Variants in KDM4C observed in about 807,000 individuals in gnomAD.
KDM4C encodes lysine demethylase 4C, also known as lysine-specific demethylase 4C.
KDM4C carries 81 observed loss-of-function variants against 129.3 expected under a neutral mutation model. That is an observed-to-expected ratio of 0.63 (90% CI 0.52 to 0.75). KDM4C has a LOEUF of 0.75. Among genes scored for constraint, KDM4C ranks in the 30% least tolerant of loss-of-function variants. The pLI, the probability that KDM4C is intolerant of heterozygous loss-of-function variation, is 0.00. For missense variants in KDM4C, 1,457 were observed against 1,304.0 expected (o/e 1.12, Z -1.81); for synonymous variants, 573 against 456.1 (o/e 1.26, Z -3.26).
intron 8 of KDM4C, among the ~76,000 whole-genome samples, chr9:6,906,009 A>G (rs934998499): frequency 1.3e-5 from 2 of 152,200 alleles, no homozygotes; most frequent in African/African-American, 2.4e-5. Context: ...CCAGATTCAA[A>G]TGACTGAGTA....
intron 15 of KDM4C, among the ~76,000 whole-genome samples, chr9:7,021,001 A>T (rs949388713): frequency 6.6e-6 from 1 of 150,564 alleles, no homozygotes; most frequent in Non-Finnish European, 1.5e-5. Flanking sequence ...AGCCTCTGGT[A>T]ACCATCCTCC....
intron 12 of KDM4C, among the ~76,000 whole-genome samples, chr9:6,992,461 C>T (rs190470681): frequency 3.9e-5 from 6 of 152,296 alleles, no homozygotes; most frequent in Admixed American, 3.3e-4. Flanking sequence ...TTAAGGACCC[C>T]TGGTGACCTC....
chr9:6,890,186 A>G (rs960386376), intron 7 of KDM4C, among the ~76,000 whole-genome samples: 1 of 152,226 alleles, frequency 6.6e-6, no homozygotes, highest in East Asian at 1.9e-4. Context: ...GGGCAGCACA[A>G]TGGTAGCACA....
intron 17 of KDM4C, among the ~76,000 whole-genome samples, chr9:7,066,496 C>G (rs916412568): frequency 7.2e-5 from 11 of 152,228 alleles, no homozygotes; most frequent in African/African-American, 2.6e-4. Flanking sequence ...ATCATTTAAA[C>G]AAATATACTC....
At chr9:7,035,485 G>A (rs112634123) in intron 15 of KDM4C, among the ~76,000 whole-genome samples, 8 of 150,296 alleles carry the variant, frequency 5.3e-5, no homozygotes, top group East Asian at 1.9e-4. Context: ...AAGCTTTTTC[G>A]CTTGATATAT....
At chr9:6,966,960 C>T (rs1001769924) in intron 8 of KDM4C, among the ~76,000 whole-genome samples, 4 of 152,164 alleles carry the variant, frequency 2.6e-5, no homozygotes, top group African/African-American at 9.7e-5. Flanking sequence ...AAGTTAAAAA[C>T]TGCTGCTCAC....
chr9:6,937,316 A>G (rs1435267921), intron 8 of KDM4C, among the ~76,000 whole-genome samples: 1 of 152,146 alleles, frequency 6.6e-6, no homozygotes, highest in Non-Finnish European at 1.5e-5. Flanking sequence ...AAAATTTAAA[A>G]ATAGCCAGTG....
At chr9:7,081,660 C>T (rs1246737335) in intron 17 of KDM4C, among the ~76,000 whole-genome samples, 3 of 152,166 alleles carry the variant, frequency 2.0e-5, no homozygotes, top group African/African-American at 4.8e-5. Flanking sequence ...AAACACCTCA[C>T]GAGCCCAGAG....
intron 19 of KDM4C, among the ~76,000 whole-genome samples, chr9:7,138,098 A>G (rs1380501318): frequency 6.6e-6 from 1 of 152,246 alleles, no homozygotes; most frequent in Non-Finnish European, 1.5e-5. Flanking sequence ...TTTTGAGGTC[A>G]GAGTATGTGG....
chr9:7,021,280 G>T (rs1563996498), intron 15 of KDM4C, among the ~76,000 whole-genome samples: 1 of 151,886 alleles, frequency 6.6e-6, no homozygotes, highest in Non-Finnish European at 1.5e-5. Context: ...GGGTAGCTGG[G>T]ATTACAGGCG....
intron 8 of KDM4C, among the ~76,000 whole-genome samples, chr9:6,901,896 G>T (rs976722243): frequency 6.6e-6 from 1 of 152,290 alleles, no homozygotes; most frequent in East Asian, 1.9e-4. Context: ...TTCAGTCTAT[G>T]TTCTCAGCTC....
chr9:6,977,526 T>C (rs375699875), intron 8 of KDM4C, among the ~76,000 whole-genome samples: 1 of 152,320 alleles, frequency 6.6e-6, no homozygotes, highest in African/African-American at 2.4e-5. Context: ...CTATTTTGTT[T>C]TTTAAATACA....
At chr9:6,982,861 T>G (rs1169919623) in intron 9 of KDM4C, 1 of 152,228 alleles carries the variant, frequency 6.6e-6, no homozygotes, top group Non-Finnish European at 1.5e-5. Context: ...AAATAATCAA[T>G]GGAACTTGCT....
intron 15 of KDM4C, among the ~76,000 whole-genome samples, chr9:7,025,132 A>C (rs141583768): frequency 1.3e-5 from 2 of 152,198 alleles, no homozygotes; most frequent in African/African-American, 4.8e-5. Flanking sequence ...TTCTCTTCTT[A>C]CAGTTTTTGT....
intron 1 of KDM4C, among the ~76,000 whole-genome samples, chr9:6,745,983 T>C (rs1817858311): frequency 6.6e-6 from 1 of 151,902 alleles, no homozygotes; most frequent in Non-Finnish European, 1.5e-5. Context: ...CTAATGTGTT[T>C]TTAGTACAGA....
At chr9:6,884,740 T>A (rs928894911) in intron 6 of KDM4C, among the ~76,000 whole-genome samples, 3 of 152,360 alleles carry the variant, frequency 2.0e-5, no homozygotes, top group African/African-American at 4.8e-5. Flanking sequence ...CATAAAAATG[T>A]CACTAAGCTT....
chr9:6,987,770 A>C (rs1257974641), intron 11 of KDM4C, among the ~76,000 whole-genome samples: 1 of 152,178 alleles, frequency 6.6e-6, no homozygotes, highest in African/African-American at 2.4e-5. Flanking sequence ...TAAACACATC[A>C]AAAATATGAA....
intron 19 of KDM4C, among the ~76,000 whole-genome samples, chr9:7,150,571 C>T (rs566293607): frequency 6.6e-6 from 1 of 152,156 alleles, no homozygotes; most frequent in East Asian, 1.9e-4. Context: ...GAGCTCAGTC[C>T]CTGGCCCAGA....
intron 4 of KDM4C, among the ~76,000 whole-genome samples, chr9:6,820,811 G>C (rs1832900077): frequency 6.8e-6 from 1 of 147,884 alleles, no homozygotes; most frequent in South Asian, 2.2e-4. Flanking sequence ...ATGTTGGTTT[G>C]CTGCACCCAT....
Sources: gnomAD v4.1 joint callset for allele counts (sites outside exome capture counted in the v4.1 genomes callset) on GRCh38, gnomAD v4.1.1 for gene constraint, MANE v1.5 for transcripts, NCBI Gene and HGNC (gene_info 2026-07-23, HGNC 2026-07-21) for gene names.